CC2D2A: variants seen among roughly 807,000 people sequenced by gnomAD.
The protein encoded by CC2D2A is coiled-coil and C2 domain containing 2A.
In CC2D2A, 155 loss-of-function variants were observed where a neutral mutation model predicts 212.9. The observed-to-expected ratio is 0.73, with a 90% CI of 0.64 to 0.83. The LOEUF is 0.83. Ranked by LOEUF, CC2D2A falls within the 40% of genes least tolerant of loss-of-function variation. CC2D2A has a pLI of 0.00. For synonymous variants in CC2D2A, 667 were observed against 686.5 expected (o/e 0.97, Z 0.44); for missense variants, 1,856 against 1,956.2 (o/e 0.95, Z 0.97).
At chr4:15,552,418 G>A (rs1474821342) in intron 18 of CC2D2A, among the ~76,000 whole-genome samples, 2 of 151,964 alleles carry the variant, frequency 1.3e-5, no homozygotes, top group Admixed American at 6.6e-5. Flanking sequence ...CTCAAAAGTC[G>A]CCTTCATTGA....
At chr4:15,552,769 G>A (rs1012999429) in intron 18 of CC2D2A, among the ~76,000 whole-genome samples, 2 of 152,198 alleles carry the variant, frequency 1.3e-5, no homozygotes, top group Non-Finnish European at 2.9e-5. Flanking sequence ...TGAAGTAGAA[G>A]CTCAAATAAG....
intron 33 of CC2D2A, among the ~76,000 whole-genome samples, chr4:15,590,091 C>A (rs146568694): frequency 6.6e-6 from 1 of 152,340 alleles, no homozygotes; most frequent in East Asian, 1.9e-4. Flanking sequence ...CTCTTTCTCT[C>A]TTTCTTTTTT....
intron 13 of CC2D2A, among the ~76,000 whole-genome samples, chr4:15,531,970 A>G (rs1717871366): frequency 6.6e-6 from 1 of 152,170 alleles, no homozygotes; most frequent in African/African-American, 2.4e-5. Context: ...CAAGGTTCTA[A>G]GCACATTATG....
At chr4:15,511,159 T>A in intron 7 of CC2D2A, 88 bp from the exon 8 acceptor site, 4 of 1,397,470 alleles carry the variant, frequency 2.9e-6, no homozygotes, top group Non-Finnish European at 3.8e-6. Flanking sequence ...CCTGATCTCA[T>A]TAGCATTAAG....
chr4:15,585,088 G>A (rs1254130920), intron 30 of CC2D2A, among the ~76,000 whole-genome samples: 3 of 152,012 alleles, frequency 2.0e-5, no homozygotes, highest in African/African-American at 7.3e-5. Flanking sequence ...CAGTATAGAG[G>A]GTCCTCACAA....
chr4:15,508,965 A>G (rs928491353), intron 6 of CC2D2A, among the ~76,000 whole-genome samples: 2 of 152,168 alleles, frequency 1.3e-5, no homozygotes, highest in Non-Finnish European at 2.9e-5. Context: ...AAGGAGGAGT[A>G]TCTGGGTTTT....
rs1720050539 is a variant in CC2D2A at position 15,569,333 on chromosome 4, G to A, written c.3439G>A (p.Val1147Met). The change falls in exon 27 of 37, where the codon GTG (valine) becomes ATG (methionine). Residue 1147 changes from valine (V) to methionine (M), a missense_variant. Val to Met is a conservative substitution (Grantham distance 21). Around this residue, in one of 5 missense-constraint regions of CC2D2A, gnomAD observed 1,512 missense variants for 1,579.3 expected, o/e 0.96. Transcript: ENST00000424120. Reference sequence around the variant, plus strand: ...TTATAGCACAGCCAGTCTGCAGTCAGTGAAAGATGTTGTGTTCATTAACAT... The same window carrying A: ...TTATAGCACAGCCAGTCTGCAGTCAATGAAAGATGTTGTGTTCATTAACAT... ...GDYSTASLQS[V>M]KDVVFINIFD... The A allele has an allele frequency of 6.3e-7, 1 of 1,584,096 alleles. No individual in the cohort carries two copies. The highest frequency in any genetic ancestry group is 8.6e-7 in the Non-Finnish European group (1 of 1,163,526).
At chr4:15,515,741 A>G in intron 9 of CC2D2A, 127 bp from the exon 10 acceptor site, 4 of 933,800 alleles carry the variant, frequency 4.3e-6, no homozygotes, top group Non-Finnish European at 6.2e-6. Context: ...GCTTTTAAAA[A>G]TTAATTTGGA....
chr4:15,569,481 G>A, intron 27 of CC2D2A, 92 bp downstream of exon 27: 1 of 730,196 alleles, frequency 1.4e-6, no homozygotes, highest in Admixed American at 2.2e-5. Flanking sequence ...CCAGAAAGGG[G>A]TCCCGATCTA....
chr4:15,531,481 AT>A (rs1319751573), intron 13 of CC2D2A, among the ~76,000 whole-genome samples: 1 of 151,760 alleles, frequency 6.6e-6, no homozygotes, highest in Admixed American at 6.6e-5. Context: ...TTTAAATTGC[AT>A]TTTCTCCTGA....
Position 15,516,637 on chromosome 4 carries a change from T to A in CC2D2A, c.1030T>A (p.Phe344Ile). ...LLMQDPERRW[F>I]GDDGRILALP... ...GCTTCATCTACAGGAAAGAAGATGGTTTGGAGATGACGGCAGGATCCTAGC... is the reference window on the plus strand; with the variant it reads ...GCTTCATCTACAGGAAAGAAGATGGATTGGAGATGACGGCAGGATCCTAGC... Residue 344 changes from phenylalanine to isoleucine, a missense_variant, in exon 11 of 37, where the codon TTT becomes ATT. This residue lies in a region of CC2D2A where 1,512 missense variants were observed against 1,579.3 expected (regional missense o/e 0.96). Transcript: ENST00000424120. The A allele has an allele frequency of 3.1e-6, 5 of 1,612,564 alleles. No homozygotes were observed. Among genetic ancestry groups the A allele is most frequent in the Non-Finnish European group, 4.2e-6 (5 of 1,179,102 alleles).
chr4:15,510,169 G>T lies in CC2D2A; in HGVS notation c.469G>T (p.Glu157Ter), dbSNP rs1716487985. 1 of 1,613,254 alleles carries T rather than the reference G, an allele frequency of 6.2e-7. No homozygotes were observed. ...GAAAGAGGTAGAAAGGACTCAACAA[G>T]AAGTTGACTCCCAAAGTTACTCAAG... is the stretch of plus-strand genomic sequence containing the variant. Reference protein sequence around the residue: ...PGKEVERTQQEVDSQSYSRVK... With the variant: ...PGKEVERTQQ The change falls in exon 7 of 37, where the codon GAA becomes TAA. Residue 157 changes from glutamate to a stop codon, truncating the protein, a stop_gained. Coordinates refer to ENST00000424120, the MANE Select transcript of CC2D2A (RefSeq NM_001378615.1). LOFTEE classifies it high-confidence loss of function.
chr4:15,548,349 G>A (rs1449105841), intron 17 of CC2D2A, among the ~76,000 whole-genome samples: 3 of 151,994 alleles, frequency 2.0e-5, no homozygotes, highest in Non-Finnish European at 4.4e-5. Context: ...TTCCACTGAC[G>A]TCCTCAGAAA....
At chr4:15,494,088 G>A (rs552068043) in intron 4 of CC2D2A, among the ~76,000 whole-genome samples, 70 of 152,242 alleles carry the variant, frequency 4.6e-4, no homozygotes, top group African/African-American at 1.6e-3. Context: ...TCAATCCTAA[G>A]TAGAAACTCC....
intron 4 of CC2D2A, among the ~76,000 whole-genome samples, chr4:15,486,367 T>G (rs1715000283): frequency 6.6e-6 from 1 of 151,858 alleles, no homozygotes; most frequent in Non-Finnish European, 1.5e-5. Flanking sequence ...TTTATATTTC[T>G]TCATGTTTCA....
chr4:15,479,995 C>T (rs1267507092), intron 3 of CC2D2A, among the ~76,000 whole-genome samples: 1 of 152,214 alleles, frequency 6.6e-6, no homozygotes, highest in African/African-American at 2.4e-5. Context: ...ACTCCAGAAT[C>T]AGAATCACAT....
At chr4:15,547,236 T>C (rs1477800388) in intron 17 of CC2D2A, among the ~76,000 whole-genome samples, 1 of 152,226 alleles carries the variant, frequency 6.6e-6, no homozygotes, top group South Asian at 2.1e-4. Context: ...TTTTGATACA[T>C]GAATAGAATG....
intron 4 of CC2D2A, chr4:15,482,258 A>C: frequency 1.0e-6 from 1 of 984,524 alleles, no homozygotes; most frequent in Non-Finnish European, 1.2e-6. Flanking sequence ...ACAGAACCAA[A>C]ATTTATCTCA....
chr4:15,597,389 C>A lies in CC2D2A; in HGVS notation c.4438-18C>A. Reference sequence around the variant, plus strand: ...GTAGGTGATTTTTATACTTTCTGAACTATTTTCTCTTCTATAGCCTGAAGA... The same window carrying A: ...GTAGGTGATTTTTATACTTTCTGAAATATTTTCTCTTCTATAGCCTGAAGA... On this transcript the variant is annotated intron_variant, in intron 34 of 36. Transcript: ENST00000424120. The A allele has an allele frequency of 6.5e-7, 1 of 1,536,468 alleles. No homozygotes were observed. The highest frequency in any genetic ancestry group is 1.2e-5 in the South Asian group (1 of 81,868).
Sources: gnomAD v4.1 joint callset for allele counts (sites outside exome capture counted in the v4.1 genomes callset) on GRCh38, gnomAD v4.1.1 for gene constraint, gnomAD v4.1.1 regional missense constraint, MANE v1.5 for transcripts, NCBI Gene and HGNC (gene_info 2026-07-23, HGNC 2026-07-21) for gene names.